The following MLLT1 variants were observed in gnomAD, a reference collection of about 807,000 sequenced individuals.
The protein encoded by MLLT1 is MLLT1 super elongation complex subunit.
MLLT1 carries 11 observed loss-of-function variants against 55.1 expected under a neutral mutation model. That is an observed-to-expected ratio of 0.20 (90% CI 0.13 to 0.33). MLLT1 has a LOEUF of 0.33. Ranked by LOEUF, MLLT1 falls within the 10% of genes least tolerant of loss-of-function variation. The pLI is 1.00. For synonymous variants in MLLT1, 323 were observed against 320.1 expected, an observed-to-expected ratio of 1.01 and a Z score of -0.10; for missense variants, 536 against 760.6, an observed-to-expected ratio of 0.70 and a Z score of 3.47.
At chr19:6,234,890 T>TCAAA (rs768603057) in intron 3 of MLLT1, among the ~76,000 whole-genome samples, 1 of 136,262 alleles carries the variant, frequency 7.3e-6, no homozygotes, top group African/African-American at 2.8e-5. Flanking sequence ...ATGTCCTGAT[T>TCAAA]CAAACAAACA....
chr19:6,219,342 C>A lies in MLLT1; in HGVS notation c.1111-1301G>T, dbSNP rs1032215364. Among the ~76,000 whole-genome samples, 2 of 152,160 alleles carry A rather than the reference C, an allele frequency of 1.3e-5. No homozygotes were observed. The highest frequency in any genetic ancestry group is 4.8e-5 in the African/African-American group (2 of 41,426). On this transcript the variant is annotated intron_variant, in intron 6 of 11. Transcript: ENST00000252674. The surrounding 1 kb of genome is among the most constrained non-coding windows in gnomAD (Gnocchi z 4.5). ...TCACTGGGAAAGCCTGCCGTGGTGC[C>A]CATCAGTCACTGCCCACTCAGGCTA...
chr19:6,234,114 T>C (rs2091038038), intron 3 of MLLT1, among the ~76,000 whole-genome samples: 1 of 152,172 alleles, frequency 6.6e-6, no homozygotes, highest in Non-Finnish European at 1.5e-5. Context: ...CAGGAGCTGG[T>C]TGGCTCAAGA....
At chr19:6,258,719 C>A (rs2091278931) in intron 3 of MLLT1, among the ~76,000 whole-genome samples, 1 of 152,210 alleles carries the variant, frequency 6.6e-6, no homozygotes. Context: ...CATGCTTATA[C>A]AAGAATAGAG....
In MLLT1 at chr19:6,240,752, AG is replaced by A. The variant is rs2144897850; in HGVS notation, c.277-10040del. Among the ~76,000 whole-genome samples, 1 of 152,172 alleles carries A rather than the reference AG, an allele frequency of 6.6e-6. No homozygotes were observed. Among genetic ancestry groups the A allele is most frequent in the African/African-American group, 2.4e-5 (1 of 41,510 alleles). The stretch of plus-strand genomic sequence containing the variant: ...GCAGGAGAATTCAGGGGCAGAGGGA[AG>A]GAAAAGGGAGGAGCTCCAGTTCCTA... On this transcript the variant is annotated intron_variant, in intron 3 of 11. Transcript: ENST00000252674. The surrounding 1 kb of genome is among the most constrained non-coding windows in gnomAD (Gnocchi z 4.7).
At position 6,279,822 on chromosome 19, in the gene MLLT1, T is replaced by TCGCCGCCGCCGC. The variant is rs898522554; in HGVS notation, c.-50_-39dup. 2.7e-5 allele frequency: 4 copies of TCGCCGCCGCCGC among 147,982 alleles called. No homozygotes were observed. The highest frequency in any genetic ancestry group is 5.7e-5 in the Non-Finnish European group (4 of 69,708). The allele number at this position is 147,982 out of a possible 1,614,324, so 9.2% of individuals were successfully genotyped here. A position where few individuals can be genotyped will look rare whatever the true frequency, so the allele number is the denominator to read the frequency against. ...GCCCCGCCCCCGGGCCCCGCGTCGC[T>TCGCCGCCGCCGC]CGCCGCCGCCGCCGCCGCCGCCGCC... is the stretch of plus-strand genomic sequence containing the variant. On this transcript the variant is annotated 5_prime_UTR_variant, in exon 1 of 12. Transcript: ENST00000252674.
At chr19:6,233,514 CAT>C (rs1189569645) in intron 3 of MLLT1, among the ~76,000 whole-genome samples, 6 of 152,308 alleles carry the variant, frequency 3.9e-5, no homozygotes, top group African/African-American at 1.4e-4. Context: ...TCCGAGGGGA[CAT>C]GTGACAGGCT....
At chr19:6,215,281 C>T (rs2090829262) in intron 8 of MLLT1, among the ~76,000 whole-genome samples, 1 of 152,252 alleles carries the variant, frequency 6.6e-6, no homozygotes, top group Non-Finnish European at 1.5e-5. Context: ...CTGCCAGCCC[C>T]TCTAGAACCG....
intron 8 of MLLT1, among the ~76,000 whole-genome samples, chr19:6,215,617 T>C (rs2090834657): frequency 1.3e-5 from 2 of 152,188 alleles, no homozygotes; most frequent in South Asian, 4.1e-4. Context: ...ACAACACACC[T>C]GCAGGCGTCT....
chr19:6,235,343 C>T lies in MLLT1; in HGVS notation c.277-4630G>A, dbSNP rs974235296. On this transcript the variant is annotated intron_variant, in intron 3 of 11. Transcript: ENST00000252674. This position sits in a 1 kb window ranked among gnomAD's most constrained non-coding sequence, Gnocchi z 5.5. The stretch of plus-strand genomic sequence containing the variant: ...AGCAGGAGCCTGGCCACGGTCCTGC[C>T]TCCTAGGCCTCAGGTTCCTCACGGG... Among the ~76,000 whole-genome samples the T allele has an allele frequency of 9.2e-5, 14 of 152,192 alleles. No homozygotes were observed. The highest frequency in any genetic ancestry group is 3.4e-4 in the African/African-American group (14 of 41,444).
intron 3 of MLLT1, among the ~76,000 whole-genome samples, chr19:6,260,927 G>A (rs188236927): frequency 6.6e-6 from 1 of 152,356 alleles, no homozygotes; most frequent in East Asian, 1.9e-4. Context: ...CCCCAGAGGC[G>A]AGTTTAAACT....
Position 6,279,884 on chromosome 19 carries a change from G to GCGC in MLLT1, c.-103_-101dup, listed in dbSNP as rs570920732. On this transcript the variant is annotated 5_prime_UTR_variant, in exon 1 of 12. Coordinates refer to ENST00000252674, the MANE Select transcript of MLLT1 (RefSeq NM_005934.4). ...CCCCGCCGCCCTCATTGTCTGTCAA[G>GCGC]CGCCGCCGCCGCCGCCGCCGCCGCC... 10,439 of 164,166 alleles carry GCGC rather than the reference G, an allele frequency of 0.064. 429 individuals carry two copies. The highest frequency in any genetic ancestry group is 0.087 in the Non-Finnish European group (7,099 of 81,726). The allele number at this position is 164,166 out of a possible 1,614,324, so 10.2% of individuals were successfully genotyped here.
rs942463678 is a variant in MLLT1 at position 6,270,482 on chromosome 19, G to C, written c.193+97C>G. 1.4e-5 allele frequency: 18 copies of C among 1,332,066 alleles called. No individual in the cohort carries two copies. Among genetic ancestry groups the C allele is most frequent in the Non-Finnish European group, 1.5e-5 (15 of 977,938 alleles). 82.5% of individuals were successfully genotyped at this position (1,332,066 alleles called of 1,614,324 possible). A position where few individuals can be genotyped will look rare whatever the true frequency, so the allele number is the denominator to read the frequency against. On this transcript the variant is annotated intron_variant, in intron 2 of 11. Coordinates refer to ENST00000252674, the MANE Select transcript of MLLT1 (RefSeq NM_005934.4). This position sits in a 1 kb window ranked among gnomAD's most constrained non-coding sequence, Gnocchi z 7.1. ...AAGCTGGAACCTCATGGTTGGAGGG[G>C]TCCTGCTGCTCCTGAGGGAGGGGTG...
chr19:6,238,453 G>A (rs1317187361), intron 3 of MLLT1, among the ~76,000 whole-genome samples: 3 of 152,252 alleles, frequency 2.0e-5, no homozygotes, highest in Non-Finnish European at 2.9e-5. Flanking sequence ...GGGGAGAGAG[G>A]AGAAAGCACC....
rs1461069812 is a variant in MLLT1 at position 6,273,231 on chromosome 19, C to A, written c.13-2472G>T. Among the ~76,000 whole-genome samples the A allele has an allele frequency of 2.0e-5, 3 of 152,088 alleles. No individual in the cohort carries two copies. The highest frequency in any genetic ancestry group is 4.4e-5 in the Non-Finnish European group (3 of 68,016). On this transcript the variant is annotated intron_variant, in intron 1 of 11. Transcript: ENST00000252674. The surrounding 1 kb of genome is among the most constrained non-coding windows in gnomAD (Gnocchi z 4.3). ...CAGAAAAGGGCGAATGGCAAACTAA[C>A]AGCAACCCCAGCCCATGAGGAGGCA...
intron 6 of MLLT1, among the ~76,000 whole-genome samples, chr19:6,220,572 A>C (rs1206648132): frequency 1.3e-5 from 2 of 152,184 alleles, no homozygotes; most frequent in African/African-American, 2.4e-5. Flanking sequence ...CCAGGAGCCA[A>C]CTCACTCACT....
chr19:6,219,499 A>C lies in MLLT1; in HGVS notation c.1111-1458T>G, dbSNP rs1171341377. Among the ~76,000 whole-genome samples, 1 of 152,112 alleles carries C rather than the reference A, an allele frequency of 6.6e-6. No individual in the cohort carries two copies. The highest frequency in any genetic ancestry group is 1.9e-4 in the East Asian group (1 of 5,184). On this transcript the variant is annotated intron_variant, in intron 6 of 11. Coordinates refer to ENST00000252674, the MANE Select transcript of MLLT1 (RefSeq NM_005934.4). The surrounding 1 kb of genome is among the most constrained non-coding windows in gnomAD (Gnocchi z 4.5). Reference sequence around the variant, plus strand: ...GTAAGAGGTGACCGAGAGATGGCCTATTTAACCCCAGCCTTCTAACCAGCA... The same window carrying C: ...GTAAGAGGTGACCGAGAGATGGCCTCTTTAACCCCAGCCTTCTAACCAGCA...
rs183682442 is a variant in MLLT1, at chr19:6,242,472, C to T, written c.277-11759G>A. On this transcript the variant is annotated intron_variant, in intron 3 of 11. Transcript: ENST00000252674. ...CACGGTGGACTGGTGATGGCTGTGGCTCCCTGTCCAATGACAGCTTGTTGC... is the reference window on the plus strand; with the variant it reads ...CACGGTGGACTGGTGATGGCTGTGGTTCCCTGTCCAATGACAGCTTGTTGC... Among the ~76,000 whole-genome samples the T allele has an allele frequency of 1.2e-4, 19 of 152,328 alleles. No individual in the cohort carries two copies. The East Asian group carries it at 3.3e-3, about 26-fold the overall frequency.
chr19:6,213,308 G>A, intron 11 of MLLT1, 29 bp downstream of exon 11: 2 of 1,611,652 alleles, frequency 1.2e-6, no homozygotes, highest in Non-Finnish European at 1.7e-6. Flanking sequence ...CCCGACCTCT[G>A]CCGGGCAGGA....
chr19:6,221,436 C>T (rs1432411620), intron 6 of MLLT1, among the ~76,000 whole-genome samples: 7 of 152,198 alleles, frequency 4.6e-5, no homozygotes, highest in Non-Finnish European at 7.3e-5. Flanking sequence ...TGAGAATGTC[C>T]GGACGCTGTG....
Sources: gnomAD v4.1 joint callset for allele counts (sites outside exome capture counted in the v4.1 genomes callset) on GRCh38, gnomAD v4.1.1 for gene constraint, Gnocchi (gnomAD v3.1) non-coding constraint, MANE v1.5 for transcripts, NCBI Gene and HGNC (gene_info 2026-07-23, HGNC 2026-07-21) for gene names.